The following OCA2 variants were observed in gnomAD, a reference collection of about 807,000 sequenced individuals.
The protein encoded by OCA2 is P protein.
Under a neutral mutation model 100.2 loss-of-function variants are expected in OCA2, and 77 were observed. The observed-to-expected ratio is 0.77, with a 90% CI of 0.64 to 0.93. The LOEUF is 0.93. Among genes scored for constraint, OCA2 ranks in the 40% least tolerant of loss-of-function variants. OCA2 has a pLI of 0.00. For synonymous variants in OCA2, 432 were observed against 439.2 expected (o/e 0.98, Z 0.21); for missense variants, 1,062 against 1,089.1 (o/e 0.98, Z 0.35).
At chr15:27,964,418 C>T (rs2040499134) in intron 15 of OCA2, among the ~76,000 whole-genome samples, 1 of 152,222 alleles carries the variant, frequency 6.6e-6, no homozygotes, top group Admixed American at 6.5e-5. Context: ...CATGCTCTCT[C>T]CCATTCTGAG....
At chr15:27,975,226 A>G (rs1406263296) in intron 14 of OCA2, among the ~76,000 whole-genome samples, 2 of 152,202 alleles carry the variant, frequency 1.3e-5, no homozygotes, top group Non-Finnish European at 2.9e-5. Flanking sequence ...ATTAACACTA[A>G]TGTGATGCTA....
intron 2 of OCA2, among the ~76,000 whole-genome samples, chr15:28,042,897 T>G (rs928172684): frequency 6.6e-6 from 1 of 152,112 alleles, no homozygotes; most frequent in African/African-American, 2.4e-5. Context: ...ACTCCACCAA[T>G]CCTAGCAGTG....
In OCA2 at chr15:28,010,670, T is replaced by C. The variant is rs115340987; in HGVS notation, c.1044+4106A>G. ...TAAGAAAAGATGTACAAGATCAGTA[T>C]CATGAAAATTATTTAAAAAATCAAA... On this transcript the variant is annotated intron_variant, in intron 9 of 23. Transcript: ENST00000354638. 7.9e-4 allele frequency among the ~76,000 whole-genome samples: 120 copies of C among 152,218 alleles called. 1 individual carries two copies. Among genetic ancestry groups the C allele is most frequent in the African/African-American group, 2.9e-3 (120 of 41,538 alleles).
intron 18 of OCA2, among the ~76,000 whole-genome samples, chr15:27,946,518 C>T (rs550232047): frequency 7.9e-5 from 12 of 152,202 alleles, no homozygotes; most frequent in South Asian, 2.1e-4. Context: ...GATTCCCGTA[C>T]GTCACTTTAC....
At chr15:27,932,770 G>A (rs1253968646) in intron 18 of OCA2, among the ~76,000 whole-genome samples, 1 of 152,192 alleles carries the variant, frequency 6.6e-6, no homozygotes, top group Non-Finnish European at 1.5e-5. Flanking sequence ...CTAAGGAACA[G>A]AGATTCCAGT....
chr15:27,746,753 G>A, the OCA2 span, among the ~76,000 whole-genome samples: 2 of 152,180 alleles, frequency 1.3e-5, no homozygotes, highest in South Asian at 2.1e-4. Context: ...TGATGCAGCA[G>A]TGGAGACAGC....
intron 23 of OCA2, among the ~76,000 whole-genome samples, chr15:27,807,153 C>A (rs17651145): frequency 0.7 from 106,175 of 151,906 alleles, 37,991 homozygotes; most frequent in East Asian, 1. Flanking sequence ...TGATGCTTAC[C>A]AGGGAGAACA....
intron 23 of OCA2, among the ~76,000 whole-genome samples, chr15:27,767,875 C>T (rs1382544633): frequency 6.6e-6 from 1 of 152,210 alleles, no homozygotes; most frequent in Non-Finnish European, 1.5e-5. Flanking sequence ...CTAAATCTTG[C>T]TGTTGCTCAA....
chr15:28,034,482 TACTC>T (rs1410084077), intron 2 of OCA2, among the ~76,000 whole-genome samples: 2 of 152,168 alleles, frequency 1.3e-5, no homozygotes, highest in African/African-American at 2.4e-5. Flanking sequence ...TCTTAATAAA[TACTC>T]AATAATGAGC....
At chr15:27,905,743 C>T (rs546831742) in intron 19 of OCA2, among the ~76,000 whole-genome samples, 1 of 152,294 alleles carries the variant, frequency 6.6e-6, no homozygotes, top group Admixed American at 6.5e-5. Flanking sequence ...ACAAGCCCAA[C>T]GGCATTAAAT....
At chr15:27,821,630 A>G (rs1449211030) in intron 23 of OCA2, among the ~76,000 whole-genome samples, 2 of 135,534 alleles carry the variant, frequency 1.5e-5, no homozygotes, top group Non-Finnish European at 3.2e-5. Flanking sequence ...ATGTGTGCAC[A>G]CTTGCACACA....
intron 18 of OCA2, among the ~76,000 whole-genome samples, chr15:27,948,275 A>G (rs1048159162): frequency 6.6e-6 from 1 of 152,174 alleles, no homozygotes; most frequent in Non-Finnish European, 1.5e-5. Context: ...TGCTGTGGGA[A>G]CGCAACGGGG....
At chr15:27,753,065 G>A (rs1488193807), downstream of OCA2, among the ~76,000 whole-genome samples, 1 of 152,050 alleles carries the variant, frequency 6.6e-6, no homozygotes, top group Non-Finnish European at 1.5e-5. Context: ...GGGCAGTAAA[G>A]GTAGCATGGG....
intron 19 of OCA2, among the ~76,000 whole-genome samples, chr15:27,891,184 T>C (rs906687290): frequency 2.6e-5 from 4 of 152,154 alleles, no homozygotes; most frequent in Non-Finnish European, 1.5e-5. Context: ...CAAGAAAAGA[T>C]AAAGGAATCT....
At chr15:27,860,933 G>C (rs1391033176) in intron 21 of OCA2, among the ~76,000 whole-genome samples, 1 of 152,182 alleles carries the variant, frequency 6.6e-6, no homozygotes, top group Non-Finnish European at 1.5e-5. Context: ...GCCTAGGAGA[G>C]GTGCAAGCCA....
intron 18 of OCA2, among the ~76,000 whole-genome samples, chr15:27,942,252 T>C (rs1243305538): frequency 6.8e-6 from 1 of 148,072 alleles, no homozygotes; most frequent in African/African-American, 2.5e-5. Flanking sequence ...ACGATATACA[T>C]AATATATATG....
chr15:27,813,419 T>C (rs2034158547), intron 23 of OCA2, among the ~76,000 whole-genome samples: 1 of 150,776 alleles, frequency 6.6e-6, no homozygotes, highest in Non-Finnish European at 1.5e-5. Flanking sequence ...CATTCACACA[T>C]ACACACACAC....
At chr15:27,868,040 T>G (rs1473502162) in intron 21 of OCA2, among the ~76,000 whole-genome samples, 6 of 152,182 alleles carry the variant, frequency 3.9e-5, no homozygotes, top group African/African-American at 1.4e-4. Flanking sequence ...GGATCCTGGC[T>G]CCTGTGTGTC....
the OCA2 span, among the ~76,000 whole-genome samples, chr15:27,723,230 C>G: frequency 6.6e-6 from 1 of 152,268 alleles, no homozygotes; most frequent in South Asian, 2.1e-4. Flanking sequence ...TCTGCCCCCC[C>G]ACTTCAAAGA....
Sources: gnomAD v4.1 joint callset for allele counts (sites outside exome capture counted in the v4.1 genomes callset) on GRCh38, gnomAD v4.1.1 for gene constraint, MANE v1.5 for transcripts, NCBI Gene and HGNC (gene_info 2026-07-23, HGNC 2026-07-21) for gene names.